The following WNT3 variants were observed in gnomAD, a reference collection of about 807,000 sequenced individuals.
The protein encoded by WNT3 is proto-oncogene Wnt-3.
In WNT3, 7 loss-of-function variants were observed where a neutral mutation model predicts 34.2. That is an observed-to-expected ratio of 0.20 (90% confidence interval 0.12 to 0.38). The LOEUF is 0.38. Among genes scored for constraint, WNT3 ranks in the 10% least tolerant of loss-of-function variants. The probability of loss-of-function intolerance (pLI) is 1.00; values close to 1 mark genes in which losing one functional copy is unlikely to be tolerated. For synonymous variants in WNT3, 212 were observed against 211.5 expected, an observed-to-expected ratio of 1.00 and a Z score of -0.02; for missense variants, 267 against 499.8, an observed-to-expected ratio of 0.53 and a Z score of 4.44.
At position 46,763,478 on chromosome 17, in the gene WNT3, CTG is replaced by C. The variant is rs1435425027; in HGVS notation, c.*1150_*1151del. On this transcript the variant is annotated 3_prime_UTR_variant, in exon 5 of 5. Transcript: ENST00000225512. ...GGAGGAAGAGCTGGGGGAAAGAACT[CTG>C]TGTCTGTGTTTACTCACATTGGCCC... 6.6e-6 allele frequency: 1 copy of C among 152,196 alleles called. No homozygotes were observed. Among genetic ancestry groups the C allele is most frequent in the Non-Finnish European group, 1.5e-5 (1 of 68,096 alleles). The allele number at this position is 152,196 out of a possible 1,614,324, so 9.4% of individuals were successfully genotyped here.
chr17:46,778,891 A>G (rs1189542258), intron 1 of WNT3, among the ~76,000 whole-genome samples: 2 of 151,992 alleles, frequency 1.3e-5, no homozygotes, highest in Admixed American at 6.5e-5. Flanking sequence ...GACAGAAGTC[A>G]CCTCTCCTCC....
intron 1 of WNT3, among the ~76,000 whole-genome samples, chr17:46,776,781 C>T (rs2059415883): frequency 6.6e-6 from 1 of 152,172 alleles, no homozygotes; most frequent in Non-Finnish European, 1.5e-5. Flanking sequence ...CCGCTCCTTC[C>T]TCTGGTGTTT....
In WNT3 at chr17:46,768,046, C is replaced by A. The variant is rs1412409179; in HGVS notation, c.*8+266G>T. On this transcript the variant is annotated intron_variant, in intron 4 of 4. Coordinates refer to ENST00000225512, the MANE Select transcript of WNT3 (RefSeq NM_030753.5). The surrounding 1 kb of genome is among the most constrained non-coding windows in gnomAD (Gnocchi z 5.0). ...CAGGTGATCCGTCCACCTCGGCCTC[C>A]CAAAGTGCTGGGATTACAGGCGTGA... Among the ~76,000 whole-genome samples the A allele has an allele frequency of 6.6e-6, 1 of 152,210 alleles. No homozygotes were observed. The highest frequency in any genetic ancestry group is 1.5e-5 in the Non-Finnish European group (1 of 68,038).
intron 1 of WNT3, among the ~76,000 whole-genome samples, chr17:46,816,346 A>C (rs1469308638): frequency 6.6e-6 from 1 of 151,560 alleles, no homozygotes; most frequent in Non-Finnish European, 1.5e-5. Context: ...TGTCGTGGGC[A>C]TGGATCCCCC....
chr17:46,766,750 C>G (rs2059317198), intron 4 of WNT3, among the ~76,000 whole-genome samples: 2 of 152,164 alleles, frequency 1.3e-5, no homozygotes, highest in African/African-American at 4.8e-5. Flanking sequence ...CCCTATGGCA[C>G]AGACATGTGC....
At chr17:46,804,919 A>AC (rs71138552) in intron 1 of WNT3, among the ~76,000 whole-genome samples, 248 of 57,476 alleles carry the variant, frequency 4.3e-3, no homozygotes, top group Middle Eastern at 0.012. Flanking sequence ...CTCCCCGCCC[A>AC]CCCCCCCCAC....
intron 1 of WNT3, among the ~76,000 whole-genome samples, chr17:46,793,742 G>A (rs560200280): frequency 2.0e-5 from 3 of 152,294 alleles, no homozygotes; most frequent in East Asian, 1.9e-4. Context: ...GATGACACAC[G>A]TTCCCAGCAC....
Position 46,780,171 on chromosome 17 carries a change from C to T in WNT3, c.81-6262G>A, listed in dbSNP as rs147369923. ...ACACCTAAAGGCACCCTGTACAGTG[C>T]GTCCTGCCTGATCTGACACTGGGGT... On this transcript the variant is annotated intron_variant, in intron 1 of 4. Transcript: ENST00000225512. 1.8e-3 allele frequency among the ~76,000 whole-genome samples: 268 copies of T among 152,350 alleles called. 1 individual carries two copies. Among genetic ancestry groups the T allele is most frequent in the African/African-American group, 6.1e-3 (255 of 41,588 alleles).
intron 1 of WNT3, among the ~76,000 whole-genome samples, chr17:46,816,860 G>A (rs1466093237): frequency 5.3e-5 from 8 of 152,204 alleles, no homozygotes; most frequent in Admixed American, 6.5e-5. Context: ...GCCTTGGCCC[G>A]GGAATGGGAA....
chr17:46,802,557 C>T (rs528258751), intron 1 of WNT3, among the ~76,000 whole-genome samples: 9 of 152,140 alleles, frequency 5.9e-5, no homozygotes, highest in African/African-American at 9.7e-5. Flanking sequence ...TGTGAGCCAC[C>T]GTGCCCGGCC....
rs199675700 is a variant in WNT3 at position 46,768,278 on chromosome 17, C to T, written c.*8+34G>A. ...AACAACCCCATTCCCTGCGCCCAGG[C>T]TCCCAGCCTCCCCCCTGCTTCCCGG... On this transcript the variant is annotated intron_variant, in intron 4 of 4. Coordinates refer to ENST00000225512, the MANE Select transcript of WNT3 (RefSeq NM_030753.5). The surrounding 1 kb of genome is among the most constrained non-coding windows in gnomAD (Gnocchi z 5.0). The T allele has an allele frequency of 1.2e-6, 2 of 1,611,986 alleles. No homozygotes were observed. The highest frequency in any genetic ancestry group is 1.7e-6 in the Non-Finnish European group (2 of 1,179,980).
intron 4 of WNT3, among the ~76,000 whole-genome samples, chr17:46,766,396 GACTCAGTCTC>G (rs2059313699): frequency 6.7e-6 from 1 of 149,924 alleles, no homozygotes; most frequent in Non-Finnish European, 1.5e-5. Flanking sequence ...GACAAAGAGA[GACTCAGTCTC>G]AAAAAAAAAA....
At chr17:46,801,152 C>A (rs2084119986) in intron 1 of WNT3, among the ~76,000 whole-genome samples, 1 of 152,146 alleles carries the variant, frequency 6.6e-6, no homozygotes, top group Non-Finnish European at 1.5e-5. Context: ...TGAAGTCCAC[C>A]CAGATAAAAA....
intron 1 of WNT3, among the ~76,000 whole-genome samples, chr17:46,774,408 C>A (rs900771662): frequency 6.6e-6 from 1 of 152,360 alleles, no homozygotes; most frequent in South Asian, 2.1e-4. Flanking sequence ...CTCTTCCCTG[C>A]GATGGTGCCA....
intron 1 of WNT3, among the ~76,000 whole-genome samples, chr17:46,794,790 A>G (rs1156299070): frequency 1.5e-5 from 2 of 136,968 alleles, no homozygotes; most frequent in East Asian, 4.2e-4. Flanking sequence ...TTGCTCTGTC[A>G]CTCAGGCTGG....
At chr17:46,784,967 CG>C (rs910945183) in intron 1 of WNT3, among the ~76,000 whole-genome samples, 1 of 151,950 alleles carries the variant, frequency 6.6e-6, no homozygotes, top group Admixed American at 6.6e-5. Flanking sequence ...TTAGTAGAGA[CG>C]GGGTTTCACT....
At chr17:46,818,439 C>T in intron 1 of WNT3, 79 bp downstream of exon 1, 1 of 1,439,086 alleles carries the variant, frequency 6.9e-7, no homozygotes, top group East Asian at 2.5e-5. Flanking sequence ...CTGCAGCGGC[C>T]CACCCCCAGC....
chr17:46,794,199 T>C (rs952715872), intron 1 of WNT3, among the ~76,000 whole-genome samples: 2 of 151,972 alleles, frequency 1.3e-5, no homozygotes, highest in African/African-American at 4.8e-5. Context: ...CAGGGGACTG[T>C]GCCCTGAGAG....
chr17:46,768,466 C>T lies in WNT3; in HGVS notation c.922G>A (p.Asp308Asn), dbSNP rs754656610. 5 of 1,614,054 alleles carry T rather than the reference C, an allele frequency of 3.1e-6. No homozygotes were observed. Among genetic ancestry groups the T allele is most frequent in the African/African-American group, 2.7e-5 (2 of 74,930 alleles). The change falls in exon 4 of 5, where the codon GAT becomes AAT. Residue 308 changes from aspartate (D) to asparagine (N), a missense_variant. Around this residue, in one of 3 missense-constraint regions of WNT3, gnomAD observed 60 missense variants for 82.7 expected, o/e 0.73. Coordinates refer to ENST00000225512, the MANE Select transcript of WNT3 (RefSeq NM_030753.5). The surrounding 1 kb of genome is among the most constrained non-coding windows in gnomAD (Gnocchi z 5.0). ...RTCNVTSHGI[D>N]GCDLLCCGRG... ...CCACAGCAGAGCAGATCGCAGCCAT[C>T]GATGCCGTGGGAGGTGACATTGCAA...
Sources: allele counts gnomAD v4.1 joint callset (sites outside exome capture counted in the v4.1 genomes callset), GRCh38; gene constraint gnomAD v4.1.1; regional missense constraint gnomAD v4.1.1; non-coding constraint Gnocchi (gnomAD v3.1); transcripts MANE v1.5; gene names NCBI Gene and HGNC (gene_info 2026-07-23, HGNC 2026-07-21).